Variants in UBR1 observed in about 807,000 individuals in gnomAD.
UBR1 encodes E3 ubiquitin-protein ligase UBR1.
A neutral mutation model predicts 242.1 loss-of-function variants in UBR1; 102 were observed. The ratio of observed to expected loss-of-function variants is 0.42; its 90% CI spans 0.36 to 0.50. The LOEUF (loss-of-function observed/expected upper bound fraction) is 0.50. Ranked by LOEUF, UBR1 falls within the 20% of genes least tolerant of loss-of-function variation. UBR1 has a pLI of 0.01. For missense variants in UBR1, 1,772 were observed against 2,101.8 expected (o/e 0.84, Z 3.07); for synonymous variants, 675 against 684.8 (o/e 0.99, Z 0.22).
chr15:42,972,630 C>A (rs1278476088), intron 39 of UBR1, among the ~76,000 whole-genome samples: 1 of 152,172 alleles, frequency 6.6e-6, no homozygotes, highest in East Asian at 1.9e-4. Flanking sequence ...CTTGTCCTCC[C>A]AAAGTGCTGA....
chr15:43,022,628 G>T, intron 26 of UBR1, 74 bp downstream of exon 26: 3 of 1,077,646 alleles, frequency 2.8e-6, no homozygotes, highest in Non-Finnish European at 4.2e-6. Context: ...AAACTTTCAG[G>T]ATTGACAAAT....
intron 29 of UBR1, among the ~76,000 whole-genome samples, chr15:43,013,053 G>A (rs1044170490): frequency 1.3e-5 from 2 of 152,254 alleles, no homozygotes; most frequent in South Asian, 2.1e-4. Context: ...CTAAATGCAC[G>A]CGTCACCACA....
chr15:42,979,107 A>G (rs2032335902), intron 37 of UBR1, among the ~76,000 whole-genome samples: 1 of 151,268 alleles, frequency 6.6e-6, no homozygotes, highest in Non-Finnish European at 1.5e-5. Flanking sequence ...GTTGGCCAGG[A>G]TGGTCTCGAT....
chr15:42,955,204 G>C (rs995365976), intron 44 of UBR1, among the ~76,000 whole-genome samples: 1 of 151,986 alleles, frequency 6.6e-6, no homozygotes, highest in African/African-American at 2.4e-5. Flanking sequence ...AATTTAAACT[G>C]CACTCCTTTT....
At chr15:43,011,903 C>T in intron 29 of UBR1, 1 of 453,434 alleles carries the variant, frequency 2.2e-6, no homozygotes, top group Non-Finnish European at 4.4e-6. Context: ...TCAGAGACCA[C>T]TATGCAGCAG....
At chr15:42,998,891 G>A (rs904859673) in intron 32 of UBR1, among the ~76,000 whole-genome samples, 1 of 147,778 alleles carries the variant, frequency 6.8e-6, no homozygotes, top group African/African-American at 2.5e-5. Flanking sequence ...TTGCCTTCTT[G>A]TTGTGACTCA....
intron 35 of UBR1, among the ~76,000 whole-genome samples, chr15:42,986,190 C>T (rs1483589003): frequency 1.3e-5 from 2 of 151,896 alleles, no homozygotes; most frequent in African/African-American, 2.4e-5. Context: ...GTTTTGATTC[C>T]TCAACTATTA....
At position 42,986,374 on chromosome 15, in the gene UBR1, C is replaced by T. The variant is rs185185807; in HGVS notation, c.3998-1432G>A. On this transcript the variant is annotated intron_variant, in intron 35 of 46. Coordinates refer to ENST00000290650, the MANE Select transcript of UBR1 (RefSeq NM_174916.3). ...GAATCCAATTACTAGATTATAGAAC[C>T]ACATATGAAAAGATTCAGCTCTATC... is the stretch of plus-strand genomic sequence containing the variant. Among the ~76,000 whole-genome samples, 409 of 152,182 alleles carry T rather than the reference C, an allele frequency of 2.7e-3. 1 individual carries two copies. The highest frequency in any genetic ancestry group is 3.6e-3 in the Non-Finnish European group (244 of 68,000).
chr15:43,096,404 C>T (rs970268784), intron 1 of UBR1, among the ~76,000 whole-genome samples: 5 of 152,104 alleles, frequency 3.3e-5, no homozygotes, highest in Non-Finnish European at 5.9e-5. Context: ...TTAGGCAATC[C>T]GCCCACCTCG....
Position 43,036,423 on chromosome 15 carries a change from G to A in UBR1, c.2088+105C>T, listed in dbSNP as rs1372928903. The A allele has an allele frequency of 4.2e-6, 5 of 1,190,588 alleles. 1 individual carries two copies. Among genetic ancestry groups the A allele is most frequent in the African/African-American group, 3.0e-5 (2 of 66,150 alleles). The allele number at this position is 1,190,588 out of a possible 1,614,324, so 73.8% of individuals were successfully genotyped here. On this transcript the variant is annotated intron_variant, in intron 18 of 46. Coordinates refer to ENST00000290650, the MANE Select transcript of UBR1 (RefSeq NM_174916.3). ...TCTATGAGTCATAATCAGTTTAACA[G>A]TGAGAGTATTTTAAGTTAAAAATTA...
chr15:43,020,229 T>C (rs942196056), intron 27 of UBR1, among the ~76,000 whole-genome samples: 2 of 151,802 alleles, frequency 1.3e-5, no homozygotes, highest in African/African-American at 4.8e-5. Flanking sequence ...TTAGCAGAGA[T>C]GAGGTTTCAC....
At chr15:43,045,724 CACAA>C (rs2033476977) in intron 14 of UBR1, among the ~76,000 whole-genome samples, 2 of 152,094 alleles carry the variant, frequency 1.3e-5, no homozygotes, top group African/African-American at 4.8e-5. Context: ...AGAAAATAAT[CACAA>C]ACAATTAGGA....
intron 46 of UBR1, 114 bp downstream of exon 46, chr15:42,950,148 T>C (rs1213007302): frequency 3.8e-5 from 40 of 1,044,974 alleles, no homozygotes; most frequent in Non-Finnish European, 5.9e-5. Context: ...CTCAATTACC[T>C]TTTGTGATTA....
intron 32 of UBR1, among the ~76,000 whole-genome samples, chr15:43,000,915 C>T (rs528740112): frequency 1.3e-5 from 2 of 152,246 alleles, no homozygotes; most frequent in South Asian, 2.1e-4. Flanking sequence ...CTCACTGCAA[C>T]CTCCACCTCC....
chr15:42,964,654 G>C (rs1376925439), intron 41 of UBR1, among the ~76,000 whole-genome samples: 1 of 152,102 alleles, frequency 6.6e-6, no homozygotes, highest in Admixed American at 6.5e-5. Flanking sequence ...AGCTGCCCCT[G>C]GTTGCCTCTT....
intron 1 of UBR1, among the ~76,000 whole-genome samples, chr15:43,095,209 G>A (rs550322511): frequency 2.4e-4 from 36 of 152,218 alleles, no homozygotes; most frequent in African/African-American, 8.7e-4. Context: ...CCCTCCAGTG[G>A]CTAAAGTCAT....
intron 37 of UBR1, among the ~76,000 whole-genome samples, chr15:42,983,239 C>T (rs1224636941): frequency 6.6e-6 from 1 of 152,170 alleles, no homozygotes. Context: ...CTATCCACAT[C>T]ACTGCTCCCT....
At position 42,993,743 on chromosome 15, in the gene UBR1, C is replaced by T. The variant is rs192224620; in HGVS notation, c.3758-3623G>A. 2.7e-3 allele frequency among the ~76,000 whole-genome samples: 407 copies of T among 151,820 alleles called. 3 individuals are homozygous for T. Among genetic ancestry groups the T allele is most frequent in the African/African-American group, 9.6e-3 (396 of 41,378 alleles). On this transcript the variant is annotated intron_variant, in intron 33 of 46. Coordinates refer to ENST00000290650, the MANE Select transcript of UBR1 (RefSeq NM_174916.3). Reference sequence around the variant, plus strand: ...CAACCAACTACTCAGGAGGCTGAGGCACGAGAATTGCTTACACCTGGGAGG... The same window carrying T: ...CAACCAACTACTCAGGAGGCTGAGGTACGAGAATTGCTTACACCTGGGAGG...
chr15:42,947,247 G>A (rs2141246527), intron 46 of UBR1, among the ~76,000 whole-genome samples: 1 of 152,316 alleles, frequency 6.6e-6, no homozygotes. Context: ...ATCCTTTTAA[G>A]TAGTTCTGAA....
Sources: allele counts gnomAD v4.1 joint callset (sites outside exome capture counted in the v4.1 genomes callset), GRCh38; gene constraint gnomAD v4.1.1; transcripts MANE v1.5; gene names NCBI Gene and HGNC (gene_info 2026-07-23, HGNC 2026-07-21).